The following QTGAL variants were observed in gnomAD, a reference collection of about 807,000 sequenced individuals.
QTGAL encodes the protein queuosine-tRNA galactosyltransferase.
the QTGAL span, among the ~76,000 whole-genome samples, chr17:82,955,257 G>A: frequency 6.6e-6 from 1 of 152,090 alleles, no homozygotes. Context: ...GGATCTACAA[G>A]GGACTTAAAT....
At chr17:82,973,562 G>C in the QTGAL span, among the ~76,000 whole-genome samples, 1 of 151,932 alleles carries the variant, frequency 6.6e-6, no homozygotes, top group East Asian at 1.9e-4. Context: ...CTGGCACCTG[G>C]TCCTTGGGTG....
chr17:82,961,176 G>C, the QTGAL span: 1 of 1,606,746 alleles, frequency 6.2e-7, no homozygotes. Flanking sequence ...GGTCCTCCGG[G>C]ACGCCCTGCA....
At chr17:82,999,759 C>A in the QTGAL span, among the ~76,000 whole-genome samples, 1 of 152,170 alleles carries the variant, frequency 6.6e-6, no homozygotes, top group Non-Finnish European at 1.5e-5. Flanking sequence ...CTGCAGCCCT[C>A]AGTCTACAGT....
chr17:82,959,324 T>A, the QTGAL span, among the ~76,000 whole-genome samples: 1 of 152,012 alleles, frequency 6.6e-6, no homozygotes, highest in Non-Finnish European at 1.5e-5. Context: ...CATGCCTGCA[T>A]GTACCGTGCA....
chr17:83,006,124 C>G, the QTGAL span: 7 of 988,456 alleles, frequency 7.1e-6, no homozygotes, highest in Non-Finnish European at 7.2e-6. This position sits in a 1 kb window ranked among gnomAD's most constrained non-coding sequence, Gnocchi z 5.8. Flanking sequence ...CAAGTCCCAG[C>G]GGACGCAGCT....
chr17:82,987,928 G>C, the QTGAL span, among the ~76,000 whole-genome samples: 1 of 152,142 alleles, frequency 6.6e-6, no homozygotes, highest in African/African-American at 2.4e-5. Context: ...CCATTTGTTT[G>C]TGTCCTCTCT....
chr17:82,959,021 G>GT, the QTGAL span, among the ~76,000 whole-genome samples: 1 of 16,158 alleles, frequency 6.2e-5, no homozygotes, highest in Non-Finnish European at 9.2e-5. Context: ...GGGGGTGTAT[G>GT]GTGTGTGTGT....
chr17:83,042,925 TTCAAC>T, the QTGAL span, among the ~76,000 whole-genome samples: 4 of 152,084 alleles, frequency 2.6e-5, no homozygotes, highest in African/African-American at 9.7e-5. Flanking sequence ...AAAAATAGAC[TTCAAC>T]TCAAAAATTA....
chr17:83,028,522 C>CAAAAAAAAAAA, the QTGAL span, among the ~76,000 whole-genome samples: 2 of 52,274 alleles, frequency 3.8e-5, no homozygotes, highest in African/African-American at 1.3e-4. Flanking sequence ...GACTCCATCT[C>CAAAAAAAAAAA]AAAAAAAAAA....
At chr17:82,998,098 T>C in the QTGAL span, among the ~76,000 whole-genome samples, 1 of 151,772 alleles carries the variant, frequency 6.6e-6, no homozygotes, top group Admixed American at 6.6e-5. Flanking sequence ...CACTTAAAAA[T>C]AACTAAAAGA....
the QTGAL span, among the ~76,000 whole-genome samples, chr17:82,960,701 C>T: frequency 6.6e-6 from 1 of 152,204 alleles, no homozygotes; most frequent in Admixed American, 6.5e-5. Context: ...GCAGCTGCGC[C>T]CCCCAGGCCT....
chr17:83,035,153 C>T, the QTGAL span: 1 of 1,443,166 alleles, frequency 6.9e-7, no homozygotes, highest in Non-Finnish European at 9.6e-7. Flanking sequence ...CAGCAGCATT[C>T]TCTTTCATAG....
At chr17:83,008,107 C>T in the QTGAL span, among the ~76,000 whole-genome samples, 5 of 139,638 alleles carry the variant, frequency 3.6e-5, no homozygotes, top group African/African-American at 1.3e-4. Context: ...GTGCGCTATG[C>T]GCTTAATCCT....
At chr17:83,006,226 T>C in the QTGAL span, 1 of 985,374 alleles carries the variant, frequency 1.0e-6, no homozygotes. This position sits in a 1 kb window ranked among gnomAD's most constrained non-coding sequence, Gnocchi z 5.8. Flanking sequence ...CTCCTAACTC[T>C]GAAGCGATGA....
the QTGAL span, among the ~76,000 whole-genome samples, chr17:82,959,690 GA>G: frequency 1.0e-3 from 87 of 84,118 alleles, no homozygotes; most frequent in African/African-American, 3.3e-3. Flanking sequence ...CAGGGCTCCA[GA>G]AGAAAGCGGG....
At chr17:82,996,452 G>A in the QTGAL span, among the ~76,000 whole-genome samples, 1 of 151,168 alleles carries the variant, frequency 6.6e-6, no homozygotes, top group Non-Finnish European at 1.5e-5. Context: ...AACCCTGGAG[G>A]CAGAGGTTGC....
chr17:83,014,435 T>C, the QTGAL span: 1 of 1,612,102 alleles, frequency 6.2e-7, no homozygotes, highest in Non-Finnish European at 8.5e-7. Context: ...GTAACGACAC[T>C]AAGGAGGCCA....
At chr17:82,955,168 A>T in the QTGAL span, among the ~76,000 whole-genome samples, 2 of 152,266 alleles carry the variant, frequency 1.3e-5, no homozygotes, top group Non-Finnish European at 2.9e-5. Flanking sequence ...AAAAGAAACT[A>T]TCATCAGAGT....
chr17:83,015,600 C>T, the QTGAL span, among the ~76,000 whole-genome samples: 12 of 152,372 alleles, frequency 7.9e-5, no homozygotes, highest in African/African-American at 2.6e-4. This position sits in a 1 kb window ranked among gnomAD's most constrained non-coding sequence, Gnocchi z 4.4. Context: ...AATGCACACA[C>T]AGTGTGTACC....
Sources: gnomAD v4.1 joint callset for allele counts (sites outside exome capture counted in the v4.1 genomes callset) on GRCh38, gnomAD v4.1.1 for gene constraint, Gnocchi (gnomAD v3.1) non-coding constraint, MANE v1.5 for transcripts, NCBI Gene and HGNC (gene_info 2026-07-23, HGNC 2026-07-21) for gene names.